TGM4: variants seen among roughly 807,000 people sequenced by gnomAD.
TGM4 encodes the protein protein-glutamine gamma-glutamyltransferase 4.
Under a neutral mutation model 76.3 loss-of-function variants are expected in TGM4, and 61 were observed. The ratio of observed to expected loss-of-function variants is 0.80; its 90% CI spans 0.65 to 0.99. TGM4 has a LOEUF of 0.99. TGM4 is among the 50% of genes least tolerant of loss of function. TGM4 has a pLI of 0.00. For synonymous variants in TGM4, 337 were observed against 329.8 expected, an observed-to-expected ratio of 1.02 and a Z score of -0.24; for missense variants, 794 against 843.2, an observed-to-expected ratio of 0.94 and a Z score of 0.72.
rs751820535 is a variant in TGM4 at position 44,911,305 on chromosome 3, C to T, written c.1812C>T (p.Val604=). The change falls in exon 13 of 14, where the codon GTC becomes GTT. Residue 604 remains valine, a synonymous_variant. Coordinates refer to ENST00000296125, the MANE Select transcript of TGM4 (RefSeq NM_003241.4). ...CAGGCAGAATTGGCCAGCTACTTGTCTGCAATTGTATCTTCAAGAATACCC... is the reference window on the plus strand; with the variant it reads ...CAGGCAGAATTGGCCAGCTACTTGTTTGCAATTGTATCTTCAAGAATACCC... ...PNTGRIGQLL[V]CNCIFKNTLA... is the part of the protein sequence containing the mutation. The T allele has an allele frequency of 6.2e-7, 1 of 1,614,152 alleles. No homozygotes were observed. The highest frequency in any genetic ancestry group is 2.2e-5 in the East Asian group (1 of 44,906).
chr3:44,886,648 G>T (rs550292567), intron 2 of TGM4, among the ~76,000 whole-genome samples: 1 of 152,276 alleles, frequency 6.6e-6, no homozygotes, highest in Non-Finnish European at 1.5e-5. Context: ...CTGAGTACTT[G>T]CCACATGCCA....
chr3:44,883,690 G>C (rs1172343281), intron 1 of TGM4, among the ~76,000 whole-genome samples: 2 of 152,166 alleles, frequency 1.3e-5, no homozygotes, highest in Non-Finnish European at 2.9e-5. Flanking sequence ...AGTGTGAAGG[G>C]AAGGCCACTT....
intron 1 of TGM4, among the ~76,000 whole-genome samples, chr3:44,878,953 C>T (rs1353523230): frequency 1.1e-4 from 17 of 152,120 alleles, no homozygotes; most frequent in African/African-American, 3.1e-4. Flanking sequence ...TCCAAGACTC[C>T]GCGTCTCTAA....
rs749852862 is a variant in TGM4 at position 44,907,184 on chromosome 3, G to A, written c.1311G>A (p.Glu437=). The A allele has an allele frequency of 6.2e-6, 10 of 1,613,870 alleles. No individual in the cohort carries two copies. The highest frequency in any genetic ancestry group is 6.8e-6 in the Non-Finnish European group (8 of 1,179,972). ...ACAGGCGGAGAGATATCACCTATGA[G>A]TACAAGTATCCAGAAGGTGCTAGCA... ...GQDRRRDITY[E]YKYPEGSSEE... Residue 437 remains glutamate (E), a synonymous_variant, in exon 10 of 14, where the codon GAG becomes GAA. Coordinates refer to ENST00000296125, the MANE Select transcript of TGM4 (RefSeq NM_003241.4).
Position 44,893,786 on chromosome 3 carries a change from G to A in TGM4, c.549+91G>A, listed in dbSNP as rs1021345086. ...GTAGTCAGTAAAGGTTCTGGAGAAA[G>A]GGTTGTGAACCTCGGGTCAAACGCC... On this transcript the variant is annotated intron_variant, in intron 5 of 13. Transcript: ENST00000296125. 21 of 1,240,554 alleles carry A rather than the reference G, an allele frequency of 1.7e-5. No individual in the cohort carries two copies. In the East Asian group the frequency reaches 3.7e-4, roughly 22 times the overall value. 76.8% of individuals were successfully genotyped at this position (1,240,554 alleles called of 1,614,324 possible). A position where few individuals can be genotyped will look rare whatever the true frequency, so the allele number is the denominator to read the frequency against.
chr3:44,903,674 C>T (rs533381152), intron 8 of TGM4: 12 of 580,338 alleles, frequency 2.1e-5, no homozygotes, highest in Non-Finnish European at 2.8e-5. Flanking sequence ...GCCCCCTGCA[C>T]ACAACTCTGT....
intron 3 of TGM4, among the ~76,000 whole-genome samples, chr3:44,889,870 A>T (rs1249573508): frequency 6.6e-6 from 1 of 152,134 alleles, no homozygotes; most frequent in African/African-American, 2.4e-5. Context: ...CACCTGTATT[A>T]GTCCATTCTT....
chr3:44,877,643 T>C (rs1042579553), intron 1 of TGM4, among the ~76,000 whole-genome samples: 10 of 152,128 alleles, frequency 6.6e-5, no homozygotes, highest in African/African-American at 2.4e-4. Flanking sequence ...GATTTCATTT[T>C]TTCATTTATC....
chr3:44,894,824 G>A (rs1174882930), intron 5 of TGM4, among the ~76,000 whole-genome samples: 1 of 151,980 alleles, frequency 6.6e-6, no homozygotes, highest in Non-Finnish European at 1.5e-5. Flanking sequence ...AAGGTGCGCC[G>A]AGTGCCCTCT....
Position 44,910,201 on chromosome 3 carries a change from A to T in TGM4, c.1439A>T (p.Asp480Val). The T allele has an allele frequency of 6.2e-7, 1 of 1,614,206 alleles. No individual in the cohort carries two copies. The change falls in exon 11 of 14, where the codon GAT (aspartate) becomes GTT (valine). Residue 480 changes from aspartate to valine, a missense_variant. Asp to Val is a radical substitution (Grantham distance 152). Coordinates refer to ENST00000296125, the MANE Select transcript of TGM4 (RefSeq NM_003241.4). ...TTTCTTCACATGTCGGTACAATCAG[A>T]TGATGTGCTGCTGGGAAACTCTGTT... ...ENFLHMSVQS[D>V]DVLLGNSVNF...
intron 1 of TGM4, among the ~76,000 whole-genome samples, chr3:44,882,946 C>T (rs1201952763): frequency 1.3e-5 from 2 of 152,182 alleles, no homozygotes; most frequent in African/African-American, 4.8e-5. Flanking sequence ...GAGATAAGGT[C>T]TTAAGAAGCT....
chr3:44,897,004 T>C (rs796831315), intron 6 of TGM4, among the ~76,000 whole-genome samples, 188 bp downstream of exon 6: 23 of 142,404 alleles, frequency 1.6e-4, no homozygotes, highest in Admixed American at 5.1e-4. Context: ...TCTTTTCTTT[T>C]TTTTTTTTTT....
intron 6 of TGM4, among the ~76,000 whole-genome samples, chr3:44,897,131 A>G (rs1212159472): frequency 6.6e-6 from 1 of 150,686 alleles, no homozygotes; most frequent in Non-Finnish European, 1.5e-5. Context: ...CAGCCTCCGG[A>G]GTAGCTGGGA....
At chr3:44,911,973 G>C (rs1420840051) in intron 13 of TGM4, among the ~76,000 whole-genome samples, 1 of 152,152 alleles carries the variant, frequency 6.6e-6, no homozygotes, top group Non-Finnish European at 1.5e-5. Context: ...TGGGATTACA[G>C]GCATATGCCA....
At chr3:44,879,265 C>A (rs4683000) in intron 1 of TGM4, among the ~76,000 whole-genome samples, 30,899 of 90,576 alleles carry the variant, frequency 0.34, 4,911 homozygotes, top group Non-Finnish European at 0.38. Flanking sequence ...CTCTCTCTCT[C>A]TATATATATA....
At chr3:44,903,722 C>T (rs1034756063) in intron 8 of TGM4, 162 bp from the exon 9 acceptor site, 51 of 669,882 alleles carry the variant, frequency 7.6e-5, no homozygotes, top group African/African-American at 4.8e-4. Context: ...TGGGACTCAC[C>T]GGTGGCCCCT....
intron 4 of TGM4, 81 bp from the exon 5 acceptor site, chr3:44,893,496 A>G (rs1435934470): frequency 8.2e-7 from 1 of 1,218,316 alleles, no homozygotes; most frequent in Non-Finnish European, 1.2e-6. Flanking sequence ...AATCTCCCCC[A>G]GCACAGACAG....
At chr3:44,878,109 C>G (rs1221806665) in intron 1 of TGM4, among the ~76,000 whole-genome samples, 1 of 151,570 alleles carries the variant, frequency 6.6e-6, no homozygotes, top group Non-Finnish European at 1.5e-5. Context: ...TGTGATCACA[C>G]CATTGCACTC....
At chr3:44,897,057 G>A (rs144155883) in intron 6 of TGM4, among the ~76,000 whole-genome samples, 3,142 of 139,904 alleles carry the variant, frequency 0.022, 62 homozygotes, top group Middle Eastern at 0.075. Context: ...TGGCTGGAGT[G>A]CAGTGGCACG....
Sources: gnomAD v4.1 joint callset for allele counts (sites outside exome capture counted in the v4.1 genomes callset) on GRCh38, gnomAD v4.1.1 for gene constraint, MANE v1.5 for transcripts, NCBI Gene and HGNC (gene_info 2026-07-23, HGNC 2026-07-21) for gene names.